The following DOCK9 variants were observed in gnomAD, a reference collection of about 807,000 sequenced individuals.
DOCK9 encodes dedicator of cytokinesis 9.
In DOCK9, 89 loss-of-function variants were observed where a neutral mutation model predicts 263.3. The ratio of observed to expected loss-of-function variants is 0.34; its 90% CI spans 0.28 to 0.40. The LOEUF is 0.40. DOCK9 is among the 10% of genes least tolerant of loss of function. The probability of loss-of-function intolerance (pLI) is 1.00; values close to 1 mark genes in which losing one functional copy is unlikely to be tolerated. For synonymous variants in DOCK9, 976 were observed against 973.1 expected (o/e 1.00, Z -0.06); for missense variants, 2,140 against 2,603.4 (o/e 0.82, Z 3.87).
chr13:99,034,804 A>C (rs1207209839), intron 1 of DOCK9, among the ~76,000 whole-genome samples: 1 of 152,244 alleles, frequency 6.6e-6, no homozygotes, highest in Non-Finnish European at 1.5e-5. Context: ...GGAACAGTGA[A>C]GGAACTGTGA....
intron 26 of DOCK9, 54 bp downstream of exon 26, chr13:98,880,493 G>A (rs1313262758): frequency 6.2e-7 from 1 of 1,610,566 alleles, no homozygotes; most frequent in Non-Finnish European, 8.5e-7. Context: ...AGGCTGTGGA[G>A]TGAATTCCTG....
At chr13:98,821,139 T>C (rs2092248916) in intron 45 of DOCK9, among the ~76,000 whole-genome samples, 2 of 152,192 alleles carry the variant, frequency 1.3e-5, no homozygotes, top group Admixed American at 6.5e-5. Context: ...CTGGAGCTCC[T>C]CTGGGCCCTG....
rs61745974 is a variant in DOCK9, at chr13:98,810,256, A to C, written c.5166T>G (p.Asp1722Glu). Residue 1722 changes from aspartate (D) to glutamate (E), a missense_variant, in exon 46 of 53, where the codon GAT becomes GAG. Around this residue, in one of 2 missense-constraint regions of DOCK9, gnomAD observed 619 missense variants for 861.8 expected, o/e 0.72. Transcript: ENST00000682017. Reference protein sequence around the residue: ...VLMELLEQCADGLWKAERYEL... With the variant: ...VLMELLEQCAEGLWKAERYEL... Reference sequence around the variant, plus strand: ...CGTAGCGCTCGGCTTTCCAGAGTCCATCTGCGCACTGCTCAAGGAGCTCCA... The same window carrying C: ...CGTAGCGCTCGGCTTTCCAGAGTCCCTCTGCGCACTGCTCAAGGAGCTCCA... 809 of 1,613,828 alleles carry C rather than the reference A, an allele frequency of 5.0e-4. 4 individuals are homozygous for C. In the African/African-American group the frequency reaches 9.6e-3, roughly 19 times the overall value.
chr13:98,895,144 C>CG (rs779217224), intron 15 of DOCK9, among the ~76,000 whole-genome samples: 96 of 45,086 alleles, frequency 2.1e-3, no homozygotes, highest in Non-Finnish European at 4.0e-3. Context: ...GACTCCATCT[C>CG]GGAAAAAAAA....
At chr13:98,963,527 A>C (rs2058885378) in intron 1 of DOCK9, among the ~76,000 whole-genome samples, 1 of 152,236 alleles carries the variant, frequency 6.6e-6, no homozygotes, top group African/African-American at 2.4e-5. Flanking sequence ...TGAACTTTCC[A>C]GTCATTTCTT....
chr13:98,978,212 T>C (rs1049594152), upstream of DOCK9: 14 of 820,862 alleles, frequency 1.7e-5, no homozygotes, highest in Admixed American at 4.1e-5. Flanking sequence ...AAAGACCGGC[T>C]TTATTGTGTC....
intron 41 of DOCK9, 147 bp downstream of exon 41, chr13:98,831,200 AC>A: frequency 1.2e-6 from 1 of 821,194 alleles, no homozygotes; most frequent in East Asian, 2.7e-5. Context: ...CATGAAATAA[AC>A]CAAGCCAGCA....
intron 1 of DOCK9, among the ~76,000 whole-genome samples, chr13:99,051,609 C>T (rs2040699880): frequency 6.6e-6 from 1 of 151,984 alleles, no homozygotes; most frequent in Non-Finnish European, 1.5e-5. Context: ...TACAAACATC[C>T]CAGGCAAACC....
chr13:98,926,830 T>C lies in DOCK9; in HGVS notation c.334-911A>G, dbSNP rs376766997. Reference sequence around the variant, plus strand: ...ATCAATGAAAACATAGGTCGATAAATGTATTTATGCCTTATCTAGTTTATT... The same window carrying C: ...ATCAATGAAAACATAGGTCGATAAACGTATTTATGCCTTATCTAGTTTATT... On this transcript the variant is annotated intron_variant, in intron 3 of 52. Coordinates refer to ENST00000682017, the MANE Select transcript of DOCK9 (RefSeq NM_001366683.2). 1.2e-4 allele frequency among the ~76,000 whole-genome samples: 19 copies of C among 152,336 alleles called. No individual in the cohort carries two copies. The East Asian group carries it at 1.9e-3, about 15-fold the overall frequency.
intron 1 of DOCK9, among the ~76,000 whole-genome samples, chr13:99,067,698 A>G (rs1195109767): frequency 6.6e-6 from 1 of 152,226 alleles, no homozygotes; most frequent in Non-Finnish European, 1.5e-5. Flanking sequence ...ATAAAGGAGT[A>G]AGTAGTATGG....
At chr13:98,921,332 T>C (rs746923291) in intron 6 of DOCK9, among the ~76,000 whole-genome samples, 11 of 152,092 alleles carry the variant, frequency 7.2e-5, no homozygotes, top group Non-Finnish European at 1.6e-4. Context: ...GAATCAGAGA[T>C]TTTACATAAC....
At chr13:98,959,365 C>A (rs2141067891) in intron 1 of DOCK9, 1 of 152,302 alleles carries the variant, frequency 6.6e-6, no homozygotes, top group African/African-American at 2.4e-5. Context: ...TAACATGAAT[C>A]AAGGACTATA....
upstream of DOCK9, among the ~76,000 whole-genome samples, chr13:98,982,708 A>C (rs1436758500): frequency 1.3e-5 from 2 of 152,218 alleles, no homozygotes; most frequent in African/African-American, 2.4e-5. Flanking sequence ...AAACATTTTC[A>C]TTTGTTAAGG....
intron 1 of DOCK9, among the ~76,000 whole-genome samples, chr13:99,062,677 G>T (rs141639991): frequency 6.6e-5 from 10 of 152,136 alleles, no homozygotes; most frequent in Non-Finnish European, 1.2e-4. Context: ...TTCACTGCTC[G>T]TAACAGGAAA....
chr13:98,872,910 C>T (rs1262930800), intron 27 of DOCK9, among the ~76,000 whole-genome samples: 7 of 152,184 alleles, frequency 4.6e-5, no homozygotes, highest in East Asian at 1.9e-4. Flanking sequence ...CAAGGCCACC[C>T]GTGCCTCCAT....
intron 1 of DOCK9, among the ~76,000 whole-genome samples, chr13:98,963,757 T>C (rs927561974): frequency 1.3e-5 from 2 of 152,200 alleles, no homozygotes; most frequent in African/African-American, 4.8e-5. Flanking sequence ...AAAGCGCTTC[T>C]CAATGTTGCC....
At chr13:98,801,096 T>G (rs1433930592) in intron 49 of DOCK9, among the ~76,000 whole-genome samples, 1 of 151,966 alleles carries the variant, frequency 6.6e-6, no homozygotes. Flanking sequence ...CTGGGCAACA[T>G]GGCAAAAACC....
At chr13:98,960,182 G>A (rs2058483022) in intron 1 of DOCK9, among the ~76,000 whole-genome samples, 1 of 152,188 alleles carries the variant, frequency 6.6e-6, no homozygotes. Flanking sequence ...AGACTTCCGA[G>A]GGAGAAGTTC....
chr13:98,886,491 A>G (rs773922112), intron 19 of DOCK9, 41 bp downstream of exon 19: 2 of 1,582,596 alleles, frequency 1.3e-6, no homozygotes, highest in Non-Finnish European at 8.7e-7. Context: ...GTTTCCCTTA[A>G]AACTGGTCAA....
Sources: gnomAD v4.1 joint callset for allele counts (sites outside exome capture counted in the v4.1 genomes callset) on GRCh38, gnomAD v4.1.1 for gene constraint, gnomAD v4.1.1 regional missense constraint, MANE v1.5 for transcripts, NCBI Gene and HGNC (gene_info 2026-07-23, HGNC 2026-07-21) for gene names.